The following SFMBT1 variants were observed in gnomAD, a reference collection of about 807,000 sequenced individuals.
The protein encoded by SFMBT1 is scm-like with four MBT domains protein 1.
A neutral mutation model predicts 108.7 loss-of-function variants in SFMBT1; 32 were observed. The ratio of observed to expected loss-of-function variants is 0.29; its 90% CI spans 0.22 to 0.40. The LOEUF is 0.40. Among genes scored for constraint, SFMBT1 ranks in the 10% least tolerant of loss-of-function variants. The pLI, the probability that SFMBT1 is intolerant of heterozygous loss-of-function variation, is 1.00. For missense variants in SFMBT1, 816 were observed against 1,059.6 expected (o/e 0.77, Z 3.19); for synonymous variants, 348 against 369.5 (o/e 0.94, Z 0.67).
intron 1 of SFMBT1, among the ~76,000 whole-genome samples, chr3:53,011,232 T>G (rs1294291119): frequency 6.6e-6 from 1 of 151,680 alleles, no homozygotes; most frequent in African/African-American, 2.4e-5. Context: ...CTTGGAAAGG[T>G]AGAGGAAAGG....
chr3:52,959,628 C>T (rs1018276336), intron 2 of SFMBT1, among the ~76,000 whole-genome samples: 2 of 152,178 alleles, frequency 1.3e-5, no homozygotes, highest in African/African-American at 4.8e-5. Context: ...CTCAAATGTT[C>T]GTCTTCAGAA....
At chr3:52,985,874 G>T (rs1704888304) in intron 1 of SFMBT1, among the ~76,000 whole-genome samples, 1 of 152,158 alleles carries the variant, frequency 6.6e-6, no homozygotes, top group African/African-American at 2.4e-5. Context: ...CAGGCGAGGT[G>T]GCTCACGCCT....
chr3:52,996,385 G>T (rs1325818427), intron 1 of SFMBT1, among the ~76,000 whole-genome samples: 3 of 148,490 alleles, frequency 2.0e-5, no homozygotes, highest in African/African-American at 4.9e-5. Context: ...GCTAATTTTT[G>T]TATTTTTTTA....
At chr3:53,029,593 G>T (rs1049692866) in intron 1 of SFMBT1, among the ~76,000 whole-genome samples, 8 of 152,192 alleles carry the variant, frequency 5.3e-5, no homozygotes, top group Non-Finnish European at 8.8e-5. Context: ...GATACAATTT[G>T]TTAATCCTTG....
chr3:52,976,034 A>G (rs907470252), intron 1 of SFMBT1, among the ~76,000 whole-genome samples: 1 of 152,188 alleles, frequency 6.6e-6, no homozygotes, highest in African/African-American at 2.4e-5. Flanking sequence ...ATAAAATGAA[A>G]TGCATCTAAA....
intron 3 of SFMBT1, among the ~76,000 whole-genome samples, chr3:52,946,398 T>C (rs771765501): frequency 6.6e-6 from 1 of 152,254 alleles, no homozygotes; most frequent in Non-Finnish European, 1.5e-5. Flanking sequence ...TATGGTTATA[T>C]TGACTATGTT....
At position 52,911,059 on chromosome 3, in the gene SFMBT1, C is replaced by T. The variant is rs544641382; in HGVS notation, c.1850G>A (p.Arg617Gln). The change falls in exon 17 of 21, where the codon CGG (arginine) becomes CAG (glutamine). Residue 617 changes from arginine (R) to glutamine (Q), a missense_variant. Physicochemically the swap from Arg to Gln is conservative, Grantham distance 43. Around this residue, in one of 5 missense-constraint regions of SFMBT1, gnomAD observed 79 missense variants for 120.8 expected, o/e 0.65. Transcript: ENST00000394752. ...LECCPNLFGPRMVLDKCSENC... is the reference protein window; with the variant it reads ...LECCPNLFGPQMVLDKCSENC... Reference sequence around the variant, plus strand: ...CTCAGAACACTTATCCAGAACCATCCGTGGACCGAAGAGGTTAGGACAGCA... The same window carrying T: ...CTCAGAACACTTATCCAGAACCATCTGTGGACCGAAGAGGTTAGGACAGCA... 4.5e-5 allele frequency: 73 copies of T among 1,614,184 alleles called. No individual in the cohort carries two copies. The South Asian group carries it at 6.7e-4, about 15-fold the overall frequency.
chr3:52,945,459 A>T (rs1303975270), intron 3 of SFMBT1, among the ~76,000 whole-genome samples: 2 of 151,988 alleles, frequency 1.3e-5, no homozygotes, highest in Non-Finnish European at 2.9e-5. Flanking sequence ...GTTAATAAAT[A>T]TTGAAAAAAA....
At chr3:52,959,983 G>T (rs1703906804) in intron 2 of SFMBT1, among the ~76,000 whole-genome samples, 1 of 151,906 alleles carries the variant, frequency 6.6e-6, no homozygotes, top group South Asian at 2.1e-4. Context: ...CCACAAGGAG[G>T]TAAATATAAG....
At position 53,046,045 on chromosome 3, in the gene SFMBT1, G is replaced by GCGC. The variant is rs1700234376; in HGVS notation, c.-363_-361dup. ...CCGCGCTCCGGCGGAGGCGGCGGCG[G>GCGC]CGCTCCGCGCTCCGACTCATTCCAA... On this transcript the variant is annotated 5_prime_UTR_variant, in exon 1 of 21. Coordinates refer to ENST00000394752, the MANE Select transcript of SFMBT1 (RefSeq NM_016329.4). 6.6e-6 allele frequency: 1 copy of GCGC among 151,158 alleles called. No individual in the cohort carries two copies. Among genetic ancestry groups the GCGC allele is most frequent in the Non-Finnish European group, 1.5e-5 (1 of 67,832 alleles). 9.4% of individuals were successfully genotyped at this position (151,158 alleles called of 1,614,324 possible).
intron 1 of SFMBT1, among the ~76,000 whole-genome samples, chr3:53,011,235 A>C (rs2106928269): frequency 6.6e-6 from 1 of 152,306 alleles, no homozygotes; most frequent in South Asian, 2.1e-4. Context: ...GGAAAGGTAG[A>C]GGAAAGGGTG....
At chr3:52,972,647 C>T (rs770100558) in intron 1 of SFMBT1, among the ~76,000 whole-genome samples, 3 of 151,920 alleles carry the variant, frequency 2.0e-5, no homozygotes, top group Admixed American at 2.0e-4. Flanking sequence ...GTGGCTCACG[C>T]CTGTAATCCC....
chr3:53,024,713 T>C (rs1482110998), intron 1 of SFMBT1, among the ~76,000 whole-genome samples: 2 of 152,184 alleles, frequency 1.3e-5, no homozygotes, highest in Non-Finnish European at 2.9e-5. Context: ...TCTGAATATA[T>C]TTTGAACTCC....
intron 1 of SFMBT1, among the ~76,000 whole-genome samples, chr3:53,034,755 G>A (rs961560106): frequency 1.3e-5 from 2 of 151,524 alleles, no homozygotes; most frequent in African/African-American, 2.4e-5. Flanking sequence ...TGGCCAACAC[G>A]GAGAAACCCC....
intron 2 of SFMBT1, among the ~76,000 whole-genome samples, chr3:52,959,847 T>G (rs1023224001): frequency 6.6e-6 from 1 of 152,016 alleles, no homozygotes; most frequent in Admixed American, 6.6e-5. Flanking sequence ...CAGGGATGGT[T>G]GTTTTGTTGT....
At chr3:53,038,299 G>A (rs998203255) in intron 1 of SFMBT1, among the ~76,000 whole-genome samples, 4 of 152,062 alleles carry the variant, frequency 2.6e-5, no homozygotes, top group Admixed American at 2.6e-4. Context: ...ACAACATCAT[G>A]CCAAAGAAAC....
chr3:53,043,321 CATA>C (rs1171771010), intron 1 of SFMBT1: 2 of 151,762 alleles, frequency 1.3e-5, no homozygotes, highest in Non-Finnish European at 2.9e-5. Flanking sequence ...TCACACCTGA[CATA>C]ATTTTTAGTT....
chr3:52,967,046 TAA>T (rs751978170), intron 2 of SFMBT1, among the ~76,000 whole-genome samples: 36 of 150,406 alleles, frequency 2.4e-4, no homozygotes, highest in Middle Eastern at 3.4e-3. Context: ...AATGGAATTC[TAA>T]AAAAAAGTTC....
chr3:52,925,224 A>G (rs1702626164), intron 10 of SFMBT1, among the ~76,000 whole-genome samples: 1 of 152,238 alleles, frequency 6.6e-6, no homozygotes, highest in Admixed American at 6.5e-5. Context: ...CTGTCTCAAA[A>G]CAAAACAAAA....
Sources: allele counts gnomAD v4.1 joint callset (sites outside exome capture counted in the v4.1 genomes callset), GRCh38; gene constraint gnomAD v4.1.1; regional missense constraint gnomAD v4.1.1; transcripts MANE v1.5; gene names NCBI Gene and HGNC (gene_info 2026-07-23, HGNC 2026-07-21).